The following PSMD14 variants were observed in gnomAD, a reference collection of about 807,000 sequenced individuals.
The protein encoded by PSMD14 is proteasome 26S subunit, non-ATPase 14.
PSMD14 carries 7 observed loss-of-function variants against 41.2 expected under a neutral mutation model. The ratio of observed to expected loss-of-function variants is 0.17; its 90% CI spans 0.10 to 0.32. The LOEUF (loss-of-function observed/expected upper bound fraction) is 0.32. Ranked by LOEUF, PSMD14 falls within the 10% of genes least tolerant of loss-of-function variation. The pLI, the probability that PSMD14 is intolerant of heterozygous loss-of-function variation, is 1.00. For missense variants in PSMD14, 139 were observed against 375.6 expected, an observed-to-expected ratio of 0.37 and a Z score of 5.21; for synonymous variants, 114 against 122.3, an observed-to-expected ratio of 0.93 and a Z score of 0.45.
intron 3 of PSMD14, among the ~76,000 whole-genome samples, chr2:161,366,811 C>G (rs1232116569): frequency 6.6e-6 from 1 of 152,072 alleles, no homozygotes; most frequent in Admixed American, 6.6e-5. Context: ...AAGATAGAAT[C>G]CTTAAAGGAG....
chr2:161,386,922 T>TA (rs1683643414), intron 8 of PSMD14, among the ~76,000 whole-genome samples: 1 of 151,994 alleles, frequency 6.6e-6, no homozygotes, highest in Non-Finnish European at 1.5e-5. Context: ...TCAATATTAA[T>TA]AACGTGTTTT....
intron 3 of PSMD14, among the ~76,000 whole-genome samples, chr2:161,332,900 C>G (rs1443139531): frequency 1.3e-5 from 2 of 152,132 alleles, no homozygotes; most frequent in African/African-American, 4.8e-5. Flanking sequence ...TGCTTATGGG[C>G]CATGGAGCTG....
intron 1 of PSMD14, among the ~76,000 whole-genome samples, chr2:161,314,594 C>G (rs1689127643): frequency 6.6e-6 from 1 of 152,200 alleles, no homozygotes; most frequent in Non-Finnish European, 1.5e-5. Flanking sequence ...CATTCTGTCT[C>G]TATGGATTTA....
intron 9 of PSMD14, 108 bp downstream of exon 9, chr2:161,391,286 T>C: frequency 9.0e-7 from 1 of 1,116,662 alleles, no homozygotes; most frequent in Non-Finnish European, 1.2e-6. Flanking sequence ...TTTCAGTGTT[T>C]CCAAATATTA....
intron 3 of PSMD14, among the ~76,000 whole-genome samples, chr2:161,342,086 TG>T (rs1307124998): frequency 6.6e-6 from 1 of 152,118 alleles, no homozygotes; most frequent in Non-Finnish European, 1.5e-5. Flanking sequence ...GTTTTGCATG[TG>T]GATATCCAGT....
chr2:161,371,090 C>A, intron 6 of PSMD14, 82 bp from the exon 7 acceptor site: 2 of 1,405,464 alleles, frequency 1.4e-6, no homozygotes, highest in African/African-American at 1.4e-5. Context: ...TAATTTATAC[C>A]CCGTTAGTGT....
chr2:161,364,096 G>A (rs1315947737), intron 3 of PSMD14, among the ~76,000 whole-genome samples: 1 of 152,160 alleles, frequency 6.6e-6, no homozygotes, highest in African/African-American at 2.4e-5. Flanking sequence ...AGCCAGAAGG[G>A]AGATGGTTTT....
At chr2:161,335,024 G>C (rs1272362210) in intron 3 of PSMD14, among the ~76,000 whole-genome samples, 2 of 152,222 alleles carry the variant, frequency 1.3e-5, no homozygotes, top group African/African-American at 2.4e-5. Flanking sequence ...GATTACTTCT[G>C]TCCCTTAACC....
chr2:161,345,110 A>G (rs1559043372), intron 3 of PSMD14, among the ~76,000 whole-genome samples: 1 of 152,086 alleles, frequency 6.6e-6, no homozygotes, highest in Non-Finnish European at 1.5e-5. Flanking sequence ...GTTGTCTCAC[A>G]CCATTTGTTG....
At chr2:161,346,295 CCT>C (rs1255181618) in intron 3 of PSMD14, among the ~76,000 whole-genome samples, 2 of 152,076 alleles carry the variant, frequency 1.3e-5, no homozygotes, top group African/African-American at 4.8e-5. Flanking sequence ...TTTTGTCATG[CCT>C]CTCTGAACTC....
At chr2:161,362,173 T>C (rs1683298166) in intron 3 of PSMD14, among the ~76,000 whole-genome samples, 1 of 152,168 alleles carries the variant, frequency 6.6e-6, no homozygotes, top group African/African-American at 2.4e-5. Flanking sequence ...TCAAGCCATC[T>C]TCCCACTCAG....
chr2:161,352,419 C>T (rs760319416), intron 3 of PSMD14, among the ~76,000 whole-genome samples: 3 of 152,102 alleles, frequency 2.0e-5, no homozygotes, highest in Non-Finnish European at 4.4e-5. Context: ...TGAAATAGGG[C>T]CTTGCTTTTA....
chr2:161,331,652 ACAGT>A (rs1050064827), intron 3 of PSMD14, among the ~76,000 whole-genome samples: 5 of 152,296 alleles, frequency 3.3e-5, no homozygotes, highest in Admixed American at 2.0e-4. Flanking sequence ...ATATAGGGAG[ACAGT>A]CAGATACTGT....
intron 7 of PSMD14, chr2:161,383,921 TATG>T (rs1440335425): frequency 6.6e-6 from 1 of 151,694 alleles, no homozygotes; most frequent in African/African-American, 2.4e-5. Flanking sequence ...TGAAGTTATT[TATG>T]ATAACATCTG....
intron 3 of PSMD14, among the ~76,000 whole-genome samples, chr2:161,320,015 C>G (rs1255723441): frequency 6.6e-6 from 1 of 152,166 alleles, no homozygotes; most frequent in Non-Finnish European, 1.5e-5. Flanking sequence ...AACTCATTCT[C>G]TCAAGAGGCC....
chr2:161,380,032 G>C (rs887674434), intron 7 of PSMD14, among the ~76,000 whole-genome samples: 3 of 152,032 alleles, frequency 2.0e-5, no homozygotes, highest in African/African-American at 7.2e-5. Flanking sequence ...AGGTTCTGTT[G>C]AAAGATCTGA....
At chr2:161,362,607 T>C (rs1309944344) in intron 3 of PSMD14, among the ~76,000 whole-genome samples, 2 of 152,188 alleles carry the variant, frequency 1.3e-5, no homozygotes, top group East Asian at 3.9e-4. Flanking sequence ...CCTTTGGATG[T>C]TTTTTAAAAA....
intron 3 of PSMD14, among the ~76,000 whole-genome samples, chr2:161,366,945 T>G (rs1341668248): frequency 6.6e-6 from 1 of 152,112 alleles, no homozygotes; most frequent in East Asian, 1.9e-4. Flanking sequence ...TGTGTTAAAT[T>G]TGTTGTTGTA....
chr2:161,314,316 G>T (rs977186949), intron 1 of PSMD14, among the ~76,000 whole-genome samples: 4 of 152,130 alleles, frequency 2.6e-5, no homozygotes, highest in African/African-American at 9.7e-5. Flanking sequence ...AAGTAACTGA[G>T]TAAGAATGTC....
Sources: gnomAD v4.1 joint callset for allele counts (sites outside exome capture counted in the v4.1 genomes callset) on GRCh38, gnomAD v4.1.1 for gene constraint, MANE v1.5 for transcripts, NCBI Gene and HGNC (gene_info 2026-07-23, HGNC 2026-07-21) for gene names.